The following IL15 variants were observed in gnomAD, a reference collection of about 807,000 sequenced individuals.
IL15 encodes the protein interleukin 15, also known as interleukin-15.
Under a neutral mutation model 19.6 loss-of-function variants are expected in IL15, and 11 were observed. The ratio of observed to expected loss-of-function variants is 0.56; its 90% CI spans 0.35 to 0.93. The LOEUF is 0.93. IL15 is among the 40% of genes least tolerant of loss of function. The pLI, the probability that IL15 is intolerant of heterozygous loss-of-function variation, is 0.01. For synonymous variants in IL15, 58 were observed against 59.6 expected (o/e 0.97, Z 0.12); for missense variants, 197 against 186.5 (o/e 1.06, Z -0.33).
At chr4:141,697,739 A>G (rs1354800450) in intron 2 of IL15, among the ~76,000 whole-genome samples, 2 of 151,748 alleles carry the variant, frequency 1.3e-5, no homozygotes, top group African/African-American at 4.8e-5. Context: ...TTAGTTAGGT[A>G]TATTCCTTTA....
At chr4:141,707,781 C>T (rs981251539) in intron 2 of IL15, among the ~76,000 whole-genome samples, 2 of 152,156 alleles carry the variant, frequency 1.3e-5, no homozygotes, top group African/African-American at 4.8e-5. Flanking sequence ...TGTGGGGGCA[C>T]AGAGAGCTGA....
In IL15 at chr4:141,636,701, G is replaced by C. The variant is rs1017833446; in HGVS notation, c.-269G>C. 1.3e-5 allele frequency: 2 copies of C among 151,186 alleles called. No homozygotes were observed. The highest frequency in any genetic ancestry group is 2.9e-5 in the Non-Finnish European group (2 of 67,954). 9.4% of individuals were successfully genotyped at this position (151,186 alleles called of 1,614,324 possible). On this transcript the variant is annotated 5_prime_UTR_variant, in exon 1 of 8. Transcript: ENST00000320650. ...GGGAACTGGGTGGCCGCACCCTCCCGGCTGCGGTGGCTGTCGCCCCCCACC... is the reference window on the plus strand; with the variant it reads ...GGGAACTGGGTGGCCGCACCCTCCCCGCTGCGGTGGCTGTCGCCCCCCACC...
chr4:141,668,489 G>A (rs1284800671), intron 2 of IL15, among the ~76,000 whole-genome samples: 1 of 152,146 alleles, frequency 6.6e-6, no homozygotes. Flanking sequence ...TTTCACCTTT[G>A]TTGTCACATT....
intron 5 of IL15, among the ~76,000 whole-genome samples, chr4:141,726,152 T>A (rs72712445): frequency 3.3e-5 from 5 of 152,072 alleles, no homozygotes; most frequent in African/African-American, 1.2e-4. Context: ...TAAGTTTCAA[T>A]CTGAATTTTG....
chr4:141,682,423 T>C (rs911742223), intron 2 of IL15, among the ~76,000 whole-genome samples: 1 of 152,200 alleles, frequency 6.6e-6, no homozygotes, highest in Non-Finnish European at 1.5e-5. Context: ...CATAAACCTT[T>C]TGACCAAAAT....
chr4:141,712,963 A>G (rs1729758483), intron 2 of IL15, among the ~76,000 whole-genome samples: 1 of 151,992 alleles, frequency 6.6e-6, no homozygotes, highest in African/African-American at 2.4e-5. Flanking sequence ...GCTGAAATTT[A>G]TAGGCCTTAT....
chr4:141,717,310 A>C (rs930104162), intron 2 of IL15: 3 of 152,192 alleles, frequency 2.0e-5, no homozygotes, highest in Non-Finnish European at 4.4e-5. Context: ...CAGTTTTAAG[A>C]AGTGGGATCT....
At chr4:141,686,668 C>T (rs1030001396) in intron 2 of IL15, among the ~76,000 whole-genome samples, 5 of 152,162 alleles carry the variant, frequency 3.3e-5, no homozygotes, top group African/African-American at 1.2e-4. Flanking sequence ...TTCGTAGGGC[C>T]TCAAGCTTTT....
chr4:141,697,184 G>A (rs1729125639), intron 2 of IL15, among the ~76,000 whole-genome samples: 1 of 151,978 alleles, frequency 6.6e-6, no homozygotes, highest in Admixed American at 6.6e-5. Context: ...GTTGATTTTT[G>A]TATAAGGCGA....
intron 2 of IL15, among the ~76,000 whole-genome samples, chr4:141,657,165 T>C (rs919858873): frequency 6.6e-6 from 1 of 152,146 alleles, no homozygotes; most frequent in Non-Finnish European, 1.5e-5. Context: ...AACACAATGA[T>C]AAGTATTTGT....
At chr4:141,671,583 G>A (rs773367498) in intron 2 of IL15, among the ~76,000 whole-genome samples, 7 of 152,092 alleles carry the variant, frequency 4.6e-5, no homozygotes, top group African/African-American at 1.4e-4. Flanking sequence ...CCTGTCTGGT[G>A]CCTCGGTGAT....
At chr4:141,662,314 T>C (rs768709436) in intron 2 of IL15, among the ~76,000 whole-genome samples, 13 of 152,232 alleles carry the variant, frequency 8.5e-5, no homozygotes, top group Non-Finnish European at 1.2e-4. Context: ...TTACCCGCAA[T>C]GACGGTGAAT....
chr4:141,649,120 G>A (rs1265185280), intron 1 of IL15, among the ~76,000 whole-genome samples: 2 of 151,912 alleles, frequency 1.3e-5, no homozygotes, highest in Non-Finnish European at 2.9e-5. Flanking sequence ...TTCTCTCATT[G>A]GAATGCACTA....
intron 2 of IL15, among the ~76,000 whole-genome samples, chr4:141,685,718 A>T (rs1467624136): frequency 6.6e-6 from 1 of 152,216 alleles, no homozygotes; most frequent in Non-Finnish European, 1.5e-5. Context: ...ATTGAGTTGA[A>T]ATTTTAGAAT....
At chr4:141,714,328 TC>T (rs1729802961) in intron 2 of IL15, among the ~76,000 whole-genome samples, 1 of 152,046 alleles carries the variant, frequency 6.6e-6, no homozygotes, top group Non-Finnish European at 1.5e-5. Flanking sequence ...AGAACATTAC[TC>T]TGGCACTTCC....
At chr4:141,649,318 C>T (rs1321901291) in intron 1 of IL15, among the ~76,000 whole-genome samples, 2 of 152,162 alleles carry the variant, frequency 1.3e-5, no homozygotes, top group African/African-American at 4.8e-5. Flanking sequence ...GTCCCAAGTA[C>T]GTTAACATAT....
intron 2 of IL15, among the ~76,000 whole-genome samples, chr4:141,673,786 T>C (rs574474643): frequency 1.3e-5 from 2 of 152,346 alleles, no homozygotes; most frequent in East Asian, 3.9e-4. Context: ...GATTTCATTC[T>C]TTTTAATTTC....
intron 5 of IL15, among the ~76,000 whole-genome samples, chr4:141,727,371 C>T (rs1389068424): frequency 6.6e-6 from 1 of 151,046 alleles, no homozygotes; most frequent in Non-Finnish European, 1.5e-5. Context: ...CTTTTAAAAG[C>T]TAATTTCAGA....
At chr4:141,643,583 C>G (rs1293541379) in intron 1 of IL15, among the ~76,000 whole-genome samples, 1 of 152,144 alleles carries the variant, frequency 6.6e-6, no homozygotes, top group East Asian at 1.9e-4. Context: ...TCCCCTTCTC[C>G]TTATTTTCCT....
Sources: allele counts gnomAD v4.1 joint callset (sites outside exome capture counted in the v4.1 genomes callset), GRCh38; gene constraint gnomAD v4.1.1; transcripts MANE v1.5; gene names NCBI Gene and HGNC (gene_info 2026-07-23, HGNC 2026-07-21).